NDST3: variants seen among roughly 807,000 people sequenced by gnomAD.
The protein encoded by NDST3 is N-deacetylase and N-sulfotransferase 3.
In NDST3, 58 loss-of-function variants were observed where a neutral mutation model predicts 96.1. The observed-to-expected ratio is 0.60, with a 90% CI of 0.49 to 0.75. The LOEUF is 0.75. NDST3 is among the 30% of genes least tolerant of loss of function. The pLI is 0.00. For missense variants in NDST3, 788 were observed against 1,034.2 expected (o/e 0.76, Z 3.27); for synonymous variants, 333 against 359.7 (o/e 0.93, Z 0.84).
intron 4 of NDST3, among the ~76,000 whole-genome samples, chr4:118,124,753 G>A (rs1253569598): frequency 6.6e-6 from 1 of 152,060 alleles, no homozygotes; most frequent in East Asian, 1.9e-4. Context: ...TTCCGGAGAT[G>A]AGTAACTCCA....
At chr4:118,161,039 T>C (rs1735080453) in intron 6 of NDST3, among the ~76,000 whole-genome samples, 1 of 152,134 alleles carries the variant, frequency 6.6e-6, no homozygotes. Flanking sequence ...GATGTACAGA[T>C]GGGTTTTTGG....
At chr4:118,255,010 C>T (rs899555103) in intron 13 of NDST3, among the ~76,000 whole-genome samples, 1 of 152,134 alleles carries the variant, frequency 6.6e-6, no homozygotes, top group Non-Finnish European at 1.5e-5. Context: ...AATTGACATA[C>T]AATTTCTATA....
intron 4 of NDST3, among the ~76,000 whole-genome samples, chr4:118,130,913 G>C (rs1391281869): frequency 6.6e-6 from 1 of 152,098 alleles, no homozygotes; most frequent in Non-Finnish European, 1.5e-5. Context: ...GGCCTGTCAG[G>C]CTTCCACTGA....
chr4:118,036,883 A>G (rs1169333498), intron 1 of NDST3, among the ~76,000 whole-genome samples: 3 of 152,222 alleles, frequency 2.0e-5, no homozygotes, highest in African/African-American at 7.2e-5. Flanking sequence ...ATTCTTGATT[A>G]CCTGTTGCCA....
intron 6 of NDST3, among the ~76,000 whole-genome samples, chr4:118,213,292 A>G (rs1738926752): frequency 6.6e-6 from 1 of 152,214 alleles, no homozygotes; most frequent in African/African-American, 2.4e-5. Flanking sequence ...GTGAACAGGA[A>G]TAAAGCCCAG....
chr4:118,240,630 G>A lies in NDST3; in HGVS notation c.2225G>A (p.Cys742Tyr). 4.3e-6 allele frequency: 7 copies of A among 1,613,920 alleles called. No individual in the cohort carries two copies. Among genetic ancestry groups the A allele is most frequent in the Non-Finnish European group, 5.9e-6 (7 of 1,179,926 alleles). The change falls in exon 11 of 14, where the codon TGT (cysteine) becomes TAT (tyrosine). Residue 742 changes from cysteine (C) to tyrosine (Y), a missense_variant. Cys to Tyr is a radical substitution (Grantham distance 194). This residue lies in a region of NDST3 where 490 missense variants were observed against 708.8 expected (regional missense o/e 0.69). Transcript: ENST00000296499. ...PSELRALQKR[C>Y]LVPGWYASHI... ...GAGCTCAGAGCCTTGCAGAAGAGAT[G>A]TTTGGTCCCGGGGTGGTATGCCAGC...
intron 6 of NDST3, among the ~76,000 whole-genome samples, chr4:118,217,275 G>C (rs527740368): frequency 1.3e-5 from 2 of 152,028 alleles, no homozygotes; most frequent in African/African-American, 4.8e-5. Context: ...GCACAGAAGG[G>C]GTACAGAAGG....
intron 2 of NDST3, among the ~76,000 whole-genome samples, chr4:118,090,902 T>A (rs2125830538): frequency 6.6e-6 from 1 of 152,008 alleles, no homozygotes; most frequent in East Asian, 1.9e-4. Context: ...ATAAAATATG[T>A]ACATAGTTAC....
intron 2 of NDST3, among the ~76,000 whole-genome samples, chr4:118,069,695 T>C (rs1270957691): frequency 6.6e-6 from 1 of 152,048 alleles, no homozygotes; most frequent in Non-Finnish European, 1.5e-5. Context: ...ATTTTTTAAT[T>C]CTTATTTGTA....
At chr4:118,247,507 G>A (rs1310833431) in intron 12 of NDST3, among the ~76,000 whole-genome samples, 4 of 151,852 alleles carry the variant, frequency 2.6e-5, no homozygotes, top group African/African-American at 4.8e-5. Context: ...AGCCAAGATC[G>A]CGCCACTGCA....
chr4:118,172,318 T>C (rs1432755059), intron 6 of NDST3, among the ~76,000 whole-genome samples: 1 of 152,166 alleles, frequency 6.6e-6, no homozygotes, highest in Non-Finnish European at 1.5e-5. Context: ...AATGTTATGA[T>C]TCCACTTCTA....
intron 6 of NDST3, among the ~76,000 whole-genome samples, chr4:118,145,793 T>C (rs909442362): frequency 1.3e-5 from 2 of 152,088 alleles, no homozygotes; most frequent in African/African-American, 2.4e-5. Flanking sequence ...ACAATTACTT[T>C]CAGAAAAAAA....
At chr4:118,106,662 G>A (rs967617901) in intron 3 of NDST3, among the ~76,000 whole-genome samples, 26 of 152,028 alleles carry the variant, frequency 1.7e-4, no homozygotes, top group Admixed American at 4.6e-4. Context: ...ATGGTGACAT[G>A]TGCCTGTAGT....
At chr4:118,234,405 C>A (rs1484711326) in intron 9 of NDST3, among the ~76,000 whole-genome samples, 2 of 151,892 alleles carry the variant, frequency 1.3e-5, no homozygotes, top group Non-Finnish European at 1.5e-5. Context: ...CAGAGTGAGA[C>A]CCTCTCTCAA....
intron 6 of NDST3, among the ~76,000 whole-genome samples, chr4:118,146,563 G>A (rs554688263): frequency 1.2e-4 from 18 of 152,212 alleles, no homozygotes; most frequent in South Asian, 4.1e-4. Flanking sequence ...TAAAAAAACC[G>A]TTAAACAGAA....
chr4:118,103,652 C>T (rs1560644895), intron 2 of NDST3, among the ~76,000 whole-genome samples: 1 of 152,134 alleles, frequency 6.6e-6, no homozygotes, highest in Non-Finnish European at 1.5e-5. Context: ...CCCATCCAAA[C>T]CGTGCCCCAC....
chr4:118,125,215 T>TAA (rs1387101165), intron 4 of NDST3, among the ~76,000 whole-genome samples: 1 of 152,086 alleles, frequency 6.6e-6, no homozygotes, highest in Non-Finnish European at 1.5e-5. Flanking sequence ...GGTATCACCA[T>TAA]AAATAACAAA....
At chr4:118,156,669 T>A (rs1347363805) in intron 6 of NDST3, among the ~76,000 whole-genome samples, 2 of 152,204 alleles carry the variant, frequency 1.3e-5, no homozygotes, top group Non-Finnish European at 2.9e-5. Context: ...TGGCATTTTA[T>A]TGAAGTCATT....
chr4:118,073,405 T>C (rs1418351692), intron 2 of NDST3, among the ~76,000 whole-genome samples: 2 of 152,148 alleles, frequency 1.3e-5, no homozygotes, highest in African/African-American at 4.8e-5. Context: ...TCAGAACTCA[T>C]TATTGGTCTG....
Sources: gnomAD v4.1 joint callset for allele counts (sites outside exome capture counted in the v4.1 genomes callset) on GRCh38, gnomAD v4.1.1 for gene constraint, gnomAD v4.1.1 regional missense constraint, MANE v1.5 for transcripts, NCBI Gene and HGNC (gene_info 2026-07-23, HGNC 2026-07-21) for gene names.